SLC24A3: variants seen among roughly 807,000 people sequenced by gnomAD.
SLC24A3 encodes solute carrier family 24 member 3.
Under a neutral mutation model 75.8 loss-of-function variants are expected in SLC24A3, and 28 were observed. The ratio of observed to expected loss-of-function variants is 0.37; its 90% confidence interval spans 0.27 to 0.51. The LOEUF (loss-of-function observed/expected upper bound fraction) is 0.51, where lower values mean the gene tolerates loss of function less well. SLC24A3 is among the 20% of genes least tolerant of loss of function. The pLI, the probability that SLC24A3 is intolerant of heterozygous loss-of-function variation, is 0.94. For missense variants in SLC24A3, 663 were observed against 847.8 expected (o/e 0.78, Z 2.71); for synonymous variants, 372 against 334.1 (o/e 1.11, Z -1.24).
intron 2 of SLC24A3, among the ~76,000 whole-genome samples, chr20:19,318,729 A>G (rs530811231): frequency 2.0e-5 from 3 of 152,064 alleles, no homozygotes; most frequent in Non-Finnish European, 4.4e-5. Context: ...GTGGGAAAAG[A>G]CAGCACAAGG....
intron 3 of SLC24A3, among the ~76,000 whole-genome samples, chr20:19,577,259 G>C (rs556815141): frequency 5.5e-4 from 83 of 152,212 alleles, no homozygotes; most frequent in African/African-American, 1.6e-3. Context: ...GTTTCACCAT[G>C]TTAGCCAGGA....
At chr20:19,681,730 C>T (rs186481957) in intron 9 of SLC24A3, 128 bp from the exon 10 acceptor site, 18 of 1,426,462 alleles carry the variant, frequency 1.3e-5, no homozygotes, top group Non-Finnish European at 1.6e-5. Flanking sequence ...AAAATTAGAA[C>T]ACTAATAACT....
intron 1 of SLC24A3, among the ~76,000 whole-genome samples, chr20:19,261,401 G>A (rs1485342390): frequency 3.9e-5 from 6 of 152,156 alleles, no homozygotes. Flanking sequence ...CAGTGGTGTG[G>A]CATGATCACA....
At chr20:19,348,671 C>T (rs752876864) in intron 2 of SLC24A3, among the ~76,000 whole-genome samples, 7 of 152,100 alleles carry the variant, frequency 4.6e-5, no homozygotes, top group East Asian at 1.9e-4. Context: ...CAGAGCTACT[C>T]CTCTGCTTGG....
intron 2 of SLC24A3, among the ~76,000 whole-genome samples, chr20:19,383,830 G>C (rs114599837): frequency 6.6e-6 from 1 of 152,024 alleles, no homozygotes; most frequent in African/African-American, 2.4e-5. Context: ...TTCTGTCTCC[G>C]CTTATAAAGG....
chr20:19,675,251 A>T (rs924362815), intron 9 of SLC24A3, among the ~76,000 whole-genome samples: 1 of 152,132 alleles, frequency 6.6e-6, no homozygotes, highest in African/African-American at 2.4e-5. Context: ...AAATTAGCCC[A>T]TGTTTCCCCA....
intron 6 of SLC24A3, among the ~76,000 whole-genome samples, chr20:19,622,059 T>C (rs2031811269): frequency 6.6e-6 from 1 of 152,018 alleles, no homozygotes; most frequent in Non-Finnish European, 1.5e-5. Context: ...TTTTGTGCAC[T>C]TGCAGAGTCA....
chr20:19,337,585 A>C (rs1029856046), intron 2 of SLC24A3, among the ~76,000 whole-genome samples: 2 of 152,180 alleles, frequency 1.3e-5, no homozygotes, highest in African/African-American at 4.8e-5. Context: ...CATATTTGCC[A>C]TGTGTCTTGG....
At chr20:19,434,646 C>G (rs1361415014) in intron 2 of SLC24A3, among the ~76,000 whole-genome samples, 1 of 152,152 alleles carries the variant, frequency 6.6e-6, no homozygotes, top group African/African-American at 2.4e-5. Flanking sequence ...CTACATCCCT[C>G]TAATAGGCAG....
intron 2 of SLC24A3, among the ~76,000 whole-genome samples, chr20:19,384,597 T>G (rs1986240419): frequency 6.6e-6 from 1 of 152,226 alleles, no homozygotes; most frequent in Admixed American, 6.5e-5. Context: ...GACACTTAGG[T>G]TGATTCAGAA....
At chr20:19,226,366 C>G (rs1981870313) in intron 1 of SLC24A3, among the ~76,000 whole-genome samples, 1 of 152,100 alleles carries the variant, frequency 6.6e-6, no homozygotes, top group Non-Finnish European at 1.5e-5. Context: ...AAGATACGGA[C>G]CTGTAATTTT....
chr20:19,693,066 A>T, intron 12 of SLC24A3, 193 bp from the exon 13 acceptor site: 4 of 562,868 alleles, frequency 7.1e-6, no homozygotes, highest in Non-Finnish European at 8.7e-6. Context: ...TTTTTTTTTA[A>T]TTCTGTTTGG....
intron 12 of SLC24A3, among the ~76,000 whole-genome samples, chr20:19,687,777 C>T (rs1304391850): frequency 6.6e-6 from 1 of 152,170 alleles, no homozygotes; most frequent in African/African-American, 2.4e-5. Context: ...TTCCGTATTT[C>T]TCTCCTGGAT....
At chr20:19,649,434 C>T (rs1391800425) in intron 6 of SLC24A3, among the ~76,000 whole-genome samples, 14 of 152,208 alleles carry the variant, frequency 9.2e-5, no homozygotes, top group Non-Finnish European at 1.9e-4. Context: ...AACTGATTCT[C>T]TCCCTCCTAG....
At chr20:19,473,613 AT>A (rs1368127449) in intron 2 of SLC24A3, among the ~76,000 whole-genome samples, 1 of 152,228 alleles carries the variant, frequency 6.6e-6, no homozygotes, top group Non-Finnish European at 1.5e-5. Context: ...GGGAGCCAGG[AT>A]CTGAACCCCG....
intron 1 of SLC24A3, among the ~76,000 whole-genome samples, chr20:19,252,643 C>CGGG (rs35974779): frequency 0.019 from 2,544 of 133,104 alleles, 63 homozygotes; most frequent in Non-Finnish European, 0.024. Context: ...ATTGGAATGG[C>CGGG]GGGGGGGGGT....
intron 6 of SLC24A3, among the ~76,000 whole-genome samples, chr20:19,642,194 G>A (rs957253505): frequency 3.9e-5 from 6 of 152,206 alleles, no homozygotes; most frequent in African/African-American, 1.4e-4. Flanking sequence ...AAAACAAGAG[G>A]TTCCTGACAG....
chr20:19,473,821 G>A (rs1164403224), intron 2 of SLC24A3, among the ~76,000 whole-genome samples: 2 of 152,212 alleles, frequency 1.3e-5, no homozygotes, highest in East Asian at 3.9e-4. Flanking sequence ...CCAGGCCTTT[G>A]CCCCAGTGAC....
chr20:19,398,301 A>C (rs951618342), intron 2 of SLC24A3, among the ~76,000 whole-genome samples: 3 of 152,172 alleles, frequency 2.0e-5, no homozygotes, highest in Non-Finnish European at 4.4e-5. Flanking sequence ...GAGTCTTCCA[A>C]CACATGAATA....
Sources: allele counts gnomAD v4.1 joint callset (sites outside exome capture counted in the v4.1 genomes callset), GRCh38; gene constraint gnomAD v4.1.1; transcripts MANE v1.5; gene names NCBI Gene and HGNC (gene_info 2026-07-23, HGNC 2026-07-21).